GASK1A: variants seen among roughly 807,000 people sequenced by gnomAD.
GASK1A encodes the protein golgi associated kinase 1A.
Under a neutral mutation model 41.2 loss-of-function variants are expected in GASK1A, and 40 were observed. That is an observed-to-expected ratio of 0.97 (90% CI 0.75 to 1.27). GASK1A has a LOEUF of 1.27. GASK1A is among the 50% of genes most tolerant of loss of function. The pLI is 0.00. For synonymous variants in GASK1A, 316 were observed against 307.1 expected, an observed-to-expected ratio of 1.03 and a Z score of -0.30; for missense variants, 678 against 745.1, an observed-to-expected ratio of 0.91 and a Z score of 1.05.
intron 2 of GASK1A, among the ~76,000 whole-genome samples, chr3:43,038,422 T>G (rs769762086): frequency 6.6e-5 from 10 of 152,226 alleles, no homozygotes; most frequent in Non-Finnish European, 1.3e-4. Flanking sequence ...ACCTTGAAAT[T>G]GTATGATTAT....
At chr3:42,999,627 C>G (rs2089398061) in intron 1 of GASK1A, among the ~76,000 whole-genome samples, 1 of 152,214 alleles carries the variant, frequency 6.6e-6, no homozygotes, top group Non-Finnish European at 1.5e-5. Context: ...GTCATGCCGC[C>G]AATCTCTGCA....
intron 1 of GASK1A, among the ~76,000 whole-genome samples, chr3:42,992,043 T>C (rs1292685562): frequency 6.7e-6 from 1 of 150,066 alleles, no homozygotes; most frequent in Admixed American, 6.6e-5. Flanking sequence ...GATGCTATTG[T>C]ATTCCTTTCT....
intron 1 of GASK1A, 43 bp from the exon 2 acceptor site, chr3:43,032,224 T>C: frequency 7.0e-7 from 1 of 1,428,726 alleles, no homozygotes; most frequent in Non-Finnish European, 9.4e-7. Context: ...TGAGCTGATG[T>C]ATTTCCCAGA....
chr3:42,999,458 G>A (rs1301508743), intron 1 of GASK1A, among the ~76,000 whole-genome samples: 1 of 152,240 alleles, frequency 6.6e-6, no homozygotes, highest in Admixed American at 6.5e-5. Context: ...GGGCAGGGCT[G>A]TGGGGAGGAG....
chr3:42,987,276 AT>A (rs1282081265), intron 1 of GASK1A, among the ~76,000 whole-genome samples: 1 of 152,040 alleles, frequency 6.6e-6, no homozygotes, highest in Non-Finnish European at 1.5e-5. Flanking sequence ...AAACATTTTG[AT>A]TTTTTTTAGA....
rs552468317 is a variant in GASK1A at position 42,987,978 on chromosome 3, G to A, written c.3+8333G>A. Among the ~76,000 whole-genome samples the A allele has an allele frequency of 9.6e-5, 7 of 72,814 alleles. No individual in the cohort carries two copies. In the South Asian group the frequency reaches 3.4e-3, roughly 36 times the overall value. 47.8% of individuals were successfully genotyped at this position (72,814 alleles called of 152,430 possible). Reference sequence around the variant, plus strand: ...TGAGCCACTGCACTCCAGCCTCGGCGACAGAGCGAGACTCTAGCTCAAAAA... The same window carrying A: ...TGAGCCACTGCACTCCAGCCTCGGCAACAGAGCGAGACTCTAGCTCAAAAA... On this transcript the variant is annotated intron_variant, in intron 1 of 4. Transcript: ENST00000430121.
rs2089444816 is a variant in GASK1A at position 43,007,912 on chromosome 3, G to A, written c.4-24355G>A. On this transcript the variant is annotated intron_variant, in intron 1 of 4. Coordinates refer to ENST00000430121, the MANE Select transcript of GASK1A (RefSeq NM_001129908.3). Reference sequence around the variant, plus strand: ...AATTTACCTTTAGGAGCCTTGGTTGGCTTTTAAAGCAAAGGCCTTTTTATT... The same window carrying A: ...AATTTACCTTTAGGAGCCTTGGTTGACTTTTAAAGCAAAGGCCTTTTTATT... 4.6e-5 allele frequency among the ~76,000 whole-genome samples: 7 copies of A among 152,302 alleles called. No individual in the cohort carries two copies. The South Asian group carries it at 1.5e-3, about 32-fold the overall frequency.
At chr3:43,003,080 G>T (rs2089418288) in intron 1 of GASK1A, among the ~76,000 whole-genome samples, 1 of 152,106 alleles carries the variant, frequency 6.6e-6, no homozygotes, top group Non-Finnish European at 1.5e-5. Context: ...CTCAATCTTG[G>T]TGATCCTCCT....
chr3:43,044,956 A>G (rs2089655349), intron 2 of GASK1A, among the ~76,000 whole-genome samples: 1 of 152,152 alleles, frequency 6.6e-6, no homozygotes. Flanking sequence ...TGAAGGCCCC[A>G]AGCTCTGGGA....
intron 1 of GASK1A, among the ~76,000 whole-genome samples, chr3:42,986,174 C>T (rs558561749): frequency 7.2e-5 from 11 of 152,296 alleles, no homozygotes; most frequent in South Asian, 2.1e-4. Flanking sequence ...CATGCAACAA[C>T]GTGGAGGGAT....
chr3:43,018,504 C>A (rs564718434), intron 1 of GASK1A, among the ~76,000 whole-genome samples: 3 of 152,022 alleles, frequency 2.0e-5, no homozygotes, highest in African/African-American at 7.2e-5. Context: ...AGCCATCAAG[C>A]CTTAGACTAA....
intron 1 of GASK1A, among the ~76,000 whole-genome samples, chr3:42,990,349 CAA>C (rs74270677): frequency 8.7e-4 from 95 of 108,628 alleles, no homozygotes; most frequent in African/African-American, 1.2e-3. Context: ...GACCCCGTCT[CAA>C]AAAAAAAAAA....
intron 1 of GASK1A, among the ~76,000 whole-genome samples, chr3:42,981,900 C>A (rs78753496): frequency 0.014 from 2,155 of 152,212 alleles, 29 homozygotes; most frequent in East Asian, 0.059. Context: ...ATTCATTACA[C>A]TGAGATTTGA....
At chr3:42,994,619 C>A (rs1021075734) in intron 1 of GASK1A, among the ~76,000 whole-genome samples, 3 of 152,024 alleles carry the variant, frequency 2.0e-5, no homozygotes, top group African/African-American at 7.2e-5. Context: ...TTCTTTGTGC[C>A]ATGGACACAG....
chr3:43,032,591 G>T lies in GASK1A; in HGVS notation c.328G>T (p.Gly110Trp). 2 of 1,551,584 alleles carry T rather than the reference G, an allele frequency of 1.3e-6. No homozygotes were observed. ...GGACAGAAGCAGGGAGTCCCCAGGA[G>T]GGGACCTCAGGCATCCAGGGAGGGT... ...RVDRSRESPG[G>W]DLRHPGRVRR... Residue 110 changes from glycine (G) to tryptophan (W), a missense_variant, in exon 2 of 5, where the codon GGG becomes TGG. Transcript: ENST00000430121.
At chr3:43,025,871 A>G (rs143925131) in intron 1 of GASK1A, among the ~76,000 whole-genome samples, 12 of 152,356 alleles carry the variant, frequency 7.9e-5, no homozygotes, top group African/African-American at 2.9e-4. Flanking sequence ...TGGAACTAGC[A>G]GAAAGTAACA....
Position 43,033,496 on chromosome 3 carries a change from C to T in GASK1A, c.1233C>T (p.Cys411=). 1 of 1,549,782 alleles carries T rather than the reference C, an allele frequency of 6.5e-7. No homozygotes were observed. Among genetic ancestry groups the T allele is most frequent in the Non-Finnish European group, 8.7e-7 (1 of 1,146,434 alleles). The change falls in exon 2 of 5, where the codon TGC becomes TGT. Residue 411 remains cysteine, a synonymous_variant. Transcript: ENST00000430121. ...GCAACTGGCCAGGCCAGGCCCCGTGCCCGGGCATCCACCATACCGAGTGGG... is the reference window on the plus strand; with the variant it reads ...GCAACTGGCCAGGCCAGGCCCCGTGTCCGGGCATCCACCATACCGAGTGGG... The part of the protein sequence containing the change: ...HSCNWPGQAP[C]PGIHHTEWAR...
At chr3:42,995,727 AC>A (rs1449991945) in intron 1 of GASK1A, among the ~76,000 whole-genome samples, 7 of 152,250 alleles carry the variant, frequency 4.6e-5, no homozygotes, top group Admixed American at 1.3e-4. Context: ...GAAGGCACAG[AC>A]CTGCTCCCCT....
chr3:43,036,609 A>G (rs2089606000), intron 2 of GASK1A, among the ~76,000 whole-genome samples: 1 of 152,214 alleles, frequency 6.6e-6, no homozygotes, highest in African/African-American at 2.4e-5. Flanking sequence ...ACTGTGTAAC[A>G]AACCTCCAAA....
Sources: gnomAD v4.1 joint callset for allele counts (sites outside exome capture counted in the v4.1 genomes callset) on GRCh38, gnomAD v4.1.1 for gene constraint, MANE v1.5 for transcripts, NCBI Gene and HGNC (gene_info 2026-07-23, HGNC 2026-07-21) for gene names.